KCNQ5: variants seen among roughly 807,000 people sequenced by gnomAD.
The protein encoded by KCNQ5 is potassium voltage-gated channel subfamily Q member 5.
A neutral mutation model predicts 98.2 loss-of-function variants in KCNQ5; 30 were observed. That is an observed-to-expected ratio of 0.31 (90% confidence interval 0.23 to 0.41). The LOEUF is 0.41. Ranked by LOEUF, KCNQ5 falls within the 10% of genes least tolerant of loss-of-function variation. The probability of loss-of-function intolerance (pLI) is 1.00; values close to 1 mark genes in which losing one functional copy is unlikely to be tolerated. For synonymous variants in KCNQ5, 458 were observed against 449.4 expected, an observed-to-expected ratio of 1.02 and a Z score of -0.24; for missense variants, 835 against 1,182.5, an observed-to-expected ratio of 0.71 and a Z score of 4.31.
intron 1 of KCNQ5, among the ~76,000 whole-genome samples, chr6:72,802,740 C>T (rs1018647772): frequency 3.9e-5 from 6 of 152,020 alleles, no homozygotes; most frequent in Non-Finnish European, 7.4e-5. Flanking sequence ...CATGTCTCAC[C>T]ACCAGTTGAA....
At chr6:72,643,738 T>C (rs1765445541) in intron 1 of KCNQ5, among the ~76,000 whole-genome samples, 1 of 152,182 alleles carries the variant, frequency 6.6e-6, no homozygotes, top group South Asian at 2.1e-4. Flanking sequence ...AACTTTTTGA[T>C]GTCTCCTAAA....
intron 1 of KCNQ5, among the ~76,000 whole-genome samples, chr6:72,778,864 A>T (rs1387646446): frequency 1.3e-5 from 2 of 152,216 alleles, no homozygotes; most frequent in Non-Finnish European, 2.9e-5. Context: ...TTTCAAAACA[A>T]AGTGATCAAT....
chr6:72,974,031 A>C (rs530904316), intron 1 of KCNQ5, among the ~76,000 whole-genome samples: 12 of 152,238 alleles, frequency 7.9e-5, no homozygotes, highest in Non-Finnish European at 1.2e-4. Flanking sequence ...GAGGAGACAT[A>C]CACTGAAAAC....
intron 2 of KCNQ5, among the ~76,000 whole-genome samples, chr6:73,023,716 G>A (rs2150341357): frequency 6.6e-6 from 1 of 152,270 alleles, no homozygotes. Context: ...TTAGCTTACA[G>A]CAGTCTTCAT....
intron 1 of KCNQ5, among the ~76,000 whole-genome samples, chr6:72,940,479 G>C (rs772840904): frequency 6.6e-6 from 1 of 152,114 alleles, no homozygotes; most frequent in African/African-American, 2.4e-5. Context: ...CAACAGTCAT[G>C]TCCAGTCACT....
At chr6:73,066,694 T>C (rs1773073391) in intron 3 of KCNQ5, among the ~76,000 whole-genome samples, 3 of 152,192 alleles carry the variant, frequency 2.0e-5, no homozygotes, top group Admixed American at 1.3e-4. Context: ...ATTTTAAAGG[T>C]ATGGAAACCA....
intron 11 of KCNQ5, among the ~76,000 whole-genome samples, chr6:73,179,665 C>T (rs766113646): frequency 6.6e-6 from 1 of 151,778 alleles, no homozygotes; most frequent in South Asian, 2.1e-4. Flanking sequence ...ATAAGATCTG[C>T]AATCACAAGG....
intron 5 of KCNQ5, among the ~76,000 whole-genome samples, chr6:73,084,590 G>A (rs569788608): frequency 5.3e-5 from 8 of 152,304 alleles, no homozygotes; most frequent in African/African-American, 1.7e-4. Context: ...ATGCTGCTGG[G>A]TTCTTGAAGA....
intron 5 of KCNQ5, among the ~76,000 whole-genome samples, chr6:73,097,456 G>T (rs1774560326): frequency 6.6e-6 from 1 of 152,036 alleles, no homozygotes; most frequent in Non-Finnish European, 1.5e-5. Context: ...ACAATAAAAA[G>T]CATATATTAT....
At chr6:72,842,752 T>C (rs1255683805) in intron 1 of KCNQ5, among the ~76,000 whole-genome samples, 1 of 152,232 alleles carries the variant, frequency 6.6e-6, no homozygotes, top group African/African-American at 2.4e-5. Context: ...CTGACCTTTT[T>C]TTCATATGTT....
Position 73,047,353 on chromosome 6 carries a change from C to T in KCNQ5, c.616+5291C>T, listed in dbSNP as rs1035655843. Among the ~76,000 whole-genome samples the T allele has an allele frequency of 2.0e-5, 3 of 152,318 alleles. No individual in the cohort carries two copies. In the East Asian group the frequency reaches 5.8e-4, roughly 29 times the overall value. ...CTAAAATAGACTTACTTACCTGTAT[C>T]AAACTTGCATATACTCTTCAGTTGT... On this transcript the variant is annotated intron_variant, in intron 3 of 13. Coordinates refer to ENST00000370398, the MANE Select transcript of KCNQ5 (RefSeq NM_019842.4).
At chr6:72,781,213 GGA>G (rs1464513765) in intron 1 of KCNQ5, among the ~76,000 whole-genome samples, 1 of 152,124 alleles carries the variant, frequency 6.6e-6, no homozygotes, top group Admixed American at 6.6e-5. Context: ...ACAGAGATTG[GGA>G]TGATGCAGCC....
intron 1 of KCNQ5, among the ~76,000 whole-genome samples, chr6:72,834,069 A>G (rs750914966): frequency 9.2e-5 from 14 of 152,086 alleles, no homozygotes; most frequent in Non-Finnish European, 1.5e-4. Context: ...GAAAAGGGAG[A>G]CCTCATCTTT....
At chr6:72,628,170 T>C (rs901253102) in intron 1 of KCNQ5, among the ~76,000 whole-genome samples, 1 of 152,238 alleles carries the variant, frequency 6.6e-6, no homozygotes, top group Non-Finnish European at 1.5e-5. Flanking sequence ...ATTTTTCTTA[T>C]AAGCCTTCCA....
At chr6:72,889,413 G>T (rs1001011892) in intron 1 of KCNQ5, among the ~76,000 whole-genome samples, 1 of 152,112 alleles carries the variant, frequency 6.6e-6, no homozygotes, top group African/African-American at 2.4e-5. Flanking sequence ...GTGTGTATTA[G>T]GAATAGCCTG....
intron 1 of KCNQ5, among the ~76,000 whole-genome samples, chr6:72,888,562 AG>A (rs1778936162): frequency 6.6e-6 from 1 of 152,158 alleles, no homozygotes; most frequent in East Asian, 1.9e-4. Context: ...ATGGCTTAGA[AG>A]GGATCCAGAC....
At chr6:73,061,979 G>A (rs750530449) in intron 3 of KCNQ5, among the ~76,000 whole-genome samples, 1 of 152,102 alleles carries the variant, frequency 6.6e-6, no homozygotes, top group Non-Finnish European at 1.5e-5. Flanking sequence ...CTTCAATAAG[G>A]CATTCCTAGA....
chr6:73,033,599 G>A (rs922384324), intron 2 of KCNQ5, among the ~76,000 whole-genome samples: 9 of 152,022 alleles, frequency 5.9e-5, no homozygotes, highest in Admixed American at 2.6e-4. Context: ...GAGACTAGCC[G>A]CAGTGACACT....
intron 1 of KCNQ5, among the ~76,000 whole-genome samples, chr6:72,696,075 A>C (rs1353718373): frequency 6.6e-6 from 1 of 152,168 alleles, no homozygotes; most frequent in African/African-American, 2.4e-5. Flanking sequence ...TTTGGAAAAA[A>C]CAAGTAAATT....
Sources: allele counts gnomAD v4.1 joint callset (sites outside exome capture counted in the v4.1 genomes callset), GRCh38; gene constraint gnomAD v4.1.1; transcripts MANE v1.5; gene names NCBI Gene and HGNC (gene_info 2026-07-23, HGNC 2026-07-21).